The following PRSS53 variants were observed in gnomAD, a reference collection of about 807,000 sequenced individuals.
PRSS53 encodes the protein serine protease 53.
In PRSS53, 54 loss-of-function variants were observed where a neutral mutation model predicts 62.7. That is an observed-to-expected ratio of 0.86 (90% CI 0.69 to 1.08). The LOEUF is 1.08. PRSS53 is among the 50% of genes least tolerant of loss of function. The probability of loss-of-function intolerance (pLI) is 0.00; values close to 1 mark genes in which losing one functional copy is unlikely to be tolerated. For missense variants in PRSS53, 688 were observed against 728.3 expected, an observed-to-expected ratio of 0.94 and a Z score of 0.64; for synonymous variants, 273 against 300.0, an observed-to-expected ratio of 0.91 and a Z score of 0.93.
rs1392295889 is a variant in PRSS53 at position 31,088,458 on chromosome 16, G to A, written c.58+294C>T. The A allele has an allele frequency of 8.5e-6, 11 of 1,299,450 alleles. No homozygotes were observed. In the South Asian group the frequency reaches 1.9e-4, roughly 22 times the overall value. 80.5% of individuals were successfully genotyped at this position (1,299,450 alleles called of 1,614,324 possible). A position where few individuals can be genotyped will look rare whatever the true frequency, so the allele number is the denominator to read the frequency against. ...CAGAGGAGCCCAGAGTTTGCCTGAC[G>A]TCATTGTGGAAGTCGAGGGGGAGGC... On this transcript the variant is annotated intron_variant, in intron 1 of 10. Transcript: ENST00000280606.
At chr16:31,086,584 C>G (rs2057236178) in intron 4 of PRSS53, 49 bp downstream of exon 4, 1 of 1,550,428 alleles carries the variant, frequency 6.4e-7, no homozygotes, top group Non-Finnish European at 8.7e-7. Context: ...GACTGTGACG[C>G]TGGGCAAGCA....
At chr16:31,088,109 A>C (rs904804283) in intron 1 of PRSS53, 1 of 1,369,858 alleles carries the variant, frequency 7.3e-7, no homozygotes, top group Non-Finnish European at 9.4e-7. Context: ...AGGCTTCAGA[A>C]CCCCCAACTC....
intron 1 of PRSS53, 159 bp from the exon 2 acceptor site, chr16:31,087,985 G>A: frequency 6.6e-7 from 1 of 1,522,938 alleles, no homozygotes; most frequent in Non-Finnish European, 8.8e-7. Flanking sequence ...ATGAGGCCGA[G>A]ACAGCTTTTA....
chr16:31,084,810 A>C, exon 8 of PRSS53: 1 of 1,540,958 alleles, frequency 6.5e-7, no homozygotes. Context: ...CCCAGAACCC[A>C]GCCACGCTCC....
chr16:31,088,272 C>G, intron 1 of PRSS53: 1 of 1,136,350 alleles, frequency 8.8e-7, no homozygotes, highest in Non-Finnish European at 1.1e-6. Context: ...TTACCTCACC[C>G]TGGTCTAGAG....
exon 7 of PRSS53, chr16:31,085,181 C>G: frequency 6.2e-7 from 1 of 1,609,948 alleles, no homozygotes; most frequent in Non-Finnish European, 8.5e-7. Flanking sequence ...CCAGCTGTCC[C>G]TGGTGCATCA....
Position 31,085,961 on chromosome 16 carries a change from T to C in PRSS53, c.883+3A>G, listed in dbSNP as rs2057228131. On this transcript the variant is annotated splice_donor_region_variant and intron_variant, in intron 6 of 10. Transcript: ENST00000280606. ...GCCCACTCCCAGCATGCCCCACTCG[T>C]ACCTACACAGCTGTCCTCATCACTC... is the stretch of plus-strand genomic sequence containing the variant. 1 of 1,609,004 alleles carries C rather than the reference T, an allele frequency of 6.2e-7. No individual in the cohort carries two copies. The highest frequency in any genetic ancestry group is 1.1e-5 in the South Asian group (1 of 91,010).
chr16:31,086,925 C>T, intron 3 of PRSS53, 27 bp from the exon 4 acceptor site: 1 of 1,565,718 alleles, frequency 6.4e-7, no homozygotes, highest in Non-Finnish European at 8.7e-7. Context: ...AAGGTCCAGG[C>T]TGCTGAGTGC....
chr16:31,083,631 T>C, exon 11 of PRSS53: 1 of 1,511,370 alleles, frequency 6.6e-7, no homozygotes, highest in South Asian at 1.3e-5. Context: ...GGGTGGGGAG[T>C]GGGCACCTGT....
intron 10 of PRSS53, 146 bp from the exon 11 acceptor site, chr16:31,083,955 T>A: frequency 6.6e-7 from 1 of 1,514,022 alleles, no homozygotes. Context: ...AGCAGCCTGC[T>A]CCAAGTCACA....
At chr16:31,086,410 C>T (rs968248798) in exon 5 of PRSS53, 7 of 1,614,014 alleles carry the variant, frequency 4.3e-6, no homozygotes, top group Admixed American at 3.3e-5. Context: ...GGACAGGTGT[C>T]GCTGGTGCAG....
In PRSS53 at chr16:31,087,880, T is replaced by C. The variant is rs370904289; in HGVS notation, c.59-54A>G. ...CAGGGACTCCAGGCCTGCCTAGCTT[T>C]GGGGAGGAGAGGGGATGGGCTGGGG... On this transcript the variant is annotated intron_variant, in intron 1 of 10. Transcript: ENST00000280606. The C allele has an allele frequency of 2.4e-4, 382 of 1,608,966 alleles. 2 individuals carry two copies. The highest frequency in any genetic ancestry group is 8.6e-5 in the Non-Finnish European group (101 of 1,178,038).
exon 7 of PRSS53, chr16:31,085,161 C>T (rs779985396): frequency 3.1e-6 from 5 of 1,611,016 alleles, no homozygotes; most frequent in Non-Finnish European, 4.2e-6. Flanking sequence ...CACCAGGGCT[C>T]CGCCACAGGC....
intron 1 of PRSS53, chr16:31,088,361 C>T: frequency 5.3e-6 from 6 of 1,130,792 alleles, no homozygotes; most frequent in Non-Finnish European, 6.5e-6. Context: ...CCCTCACAGG[C>T]ACACAGGCAC....
At chr16:31,087,891 G>T in intron 1 of PRSS53, 65 bp from the exon 2 acceptor site, 1 of 1,603,776 alleles carries the variant, frequency 6.2e-7, no homozygotes, top group East Asian at 2.3e-5. Context: ...GGGGAGGAGA[G>T]GGGATGGGCT....
In PRSS53 at chr16:31,087,436, T is replaced by A. The variant is rs993277850; in HGVS notation, c.242+101A>T. On this transcript the variant is annotated intron_variant, in intron 3 of 10. Coordinates refer to ENST00000280606, the Ensembl canonical transcript of PRSS53. ...ATGGCAGATTCTCAGTAAATGGTTC[T>A]TTATTATTACTCTAGAGGCAGGGAC... 4.8e-6 allele frequency: 4 copies of A among 833,150 alleles called. No individual in the cohort carries two copies. The African/African-American group carries it at 5.2e-5, about 11-fold the overall frequency. 51.6% of individuals were successfully genotyped at this position (833,150 alleles called of 1,614,324 possible). A position where few individuals can be genotyped will look rare whatever the true frequency, so the allele number is the denominator to read the frequency against.
Position 31,086,902 on chromosome 16 carries a change from G to A in PRSS53, c.243-4C>T, listed in dbSNP as rs74015064. ...ATTCAGTTCTGTTGCTGCTGCCCTGGAAGGGGAAGGACAAGGTCCAGGCTG... is the reference window on the plus strand; with the variant it reads ...ATTCAGTTCTGTTGCTGCTGCCCTGAAAGGGGAAGGACAAGGTCCAGGCTG... On this transcript the variant is annotated splice_region_variant and splice_polypyrimidine_tract_variant and intron_variant, in intron 3 of 10. Transcript: ENST00000280606. 1.1e-3 allele frequency: 1,798 copies of A among 1,584,098 alleles called. 15 individuals carry two copies. The African/African-American group carries it at 0.021, about 19-fold the overall frequency.
chr16:31,084,502 T>C (rs1244804809), intron 9 of PRSS53, 56 bp downstream of exon 9: 11 of 1,559,246 alleles, frequency 7.1e-6, no homozygotes, highest in African/African-American at 2.7e-5. Flanking sequence ...TCTTGAGCTA[T>C]TGGGTGAGGG....
chr16:31,087,565 C>T, exon 3 of PRSS53: 1 of 1,613,370 alleles, frequency 6.2e-7, no homozygotes, highest in Non-Finnish European at 8.5e-7. Flanking sequence ...GCAGTGAGGA[C>T]CCAGGTGTCT....
Sources: allele counts gnomAD v4.1 joint callset, GRCh38; gene constraint gnomAD v4.1.1; transcripts MANE v1.5; gene names NCBI Gene and HGNC (gene_info 2026-07-23, HGNC 2026-07-21).